Variants in SORBS3 observed in about 807,000 individuals in gnomAD.
The protein encoded by SORBS3 is sorbin and SH3 domain containing 3, also known as vinexin.
SORBS3 carries 69 observed loss-of-function variants against 98.0 expected under a neutral mutation model. The ratio of observed to expected loss-of-function variants is 0.70; its 90% CI spans 0.58 to 0.86. The LOEUF (loss-of-function observed/expected upper bound fraction) is 0.86, where lower values mean the gene tolerates loss of function less well. SORBS3 is among the 40% of genes least tolerant of loss of function. SORBS3 has a pLI of 0.00. For synonymous variants in SORBS3, 394 were observed against 355.4 expected, an observed-to-expected ratio of 1.11 and a Z score of -1.22; for missense variants, 954 against 908.5, an observed-to-expected ratio of 1.05 and a Z score of -0.64.
chr8:22,552,351 G>A (rs1347575161), intron 1 of SORBS3, among the ~76,000 whole-genome samples: 1 of 152,216 alleles, frequency 6.6e-6, no homozygotes, highest in Non-Finnish European at 1.5e-5. Context: ...CCCGGGGCTG[G>A]CTGCCTGCCT....
Position 22,563,967 on chromosome 8 carries a change from A to G in SORBS3, c.585-20A>G, listed in dbSNP as rs893814805. On this transcript the variant is annotated intron_variant, in intron 7 of 20. Transcript: ENST00000240123. ...GTCTCCCTAAAAGGAAGCTGAAGAG[A>G]TGTCCTTCCCTTTCTTTAGAAGAAG... 44 of 1,589,574 alleles carry G rather than the reference A, an allele frequency of 2.8e-5. No individual in the cohort carries two copies. In the East Asian group the frequency reaches 9.2e-4, roughly 33 times the overall value.
upstream of SORBS3, chr8:22,551,681 G>T: frequency 4.2e-6 from 4 of 962,406 alleles, no homozygotes; most frequent in Non-Finnish European, 4.9e-6. The surrounding 1 kb of genome is among the most constrained non-coding windows in gnomAD (Gnocchi z 5.8). Flanking sequence ...TCGGCAGGGG[G>T]CCACCAGTGT....
At chr8:22,564,981 G>A (rs1840374574) in intron 10 of SORBS3, 2 of 1,361,344 alleles carry the variant, frequency 1.5e-6, no homozygotes, top group Non-Finnish European at 1.9e-6. Context: ...CCCCATTGGT[G>A]CTGTAACAGA....
chr8:22,566,411 TC>T lies in SORBS3; in HGVS notation c.1021del (p.His341ThrfsTer11). ...PYLGSARSLS[P>X]HKMADGGSPF... is the part of the protein sequence containing the mutation. ...ACCTGGGTTCCGCCCGGTCCCTGAG[TC>T]CCCACAAAATGGCTGATGGAGGAAG... On this transcript the variant is annotated frameshift_variant, in exon 13 of 21. Transcript: ENST00000240123. LOFTEE classifies it high-confidence loss of function. 1 of 1,613,934 alleles carries T rather than the reference TC, an allele frequency of 6.2e-7. No individual in the cohort carries two copies. Among genetic ancestry groups the T allele is most frequent in the Non-Finnish European group, 8.5e-7 (1 of 1,179,956 alleles).
chr8:22,565,089 G>A (rs1840376730), intron 10 of SORBS3, 179 bp from the exon 11 acceptor site: 13 of 1,434,418 alleles, frequency 9.1e-6, no homozygotes, highest in East Asian at 5.2e-5. Context: ...AGGCCGTGGC[G>A]GGGATGCCCT....
intron 5 of SORBS3, among the ~76,000 whole-genome samples, chr8:22,560,080 G>C (rs1161122553): frequency 1.3e-5 from 2 of 151,490 alleles, no homozygotes; most frequent in Non-Finnish European, 2.9e-5. Flanking sequence ...AAAGAAGAGA[G>C]AGATTTTGAT....
At chr8:22,565,218 C>T in intron 10 of SORBS3, 50 bp from the exon 11 acceptor site, 1 of 1,499,310 alleles carries the variant, frequency 6.7e-7, no homozygotes, top group Non-Finnish European at 9.1e-7. Flanking sequence ...CGCTGCCTCC[C>T]ACCCCCACGG....
chr8:22,567,318 G>A (rs1840452588), intron 16 of SORBS3, 143 bp downstream of exon 16: 1 of 636,300 alleles, frequency 1.6e-6, no homozygotes, highest in African/African-American at 1.8e-5. Flanking sequence ...GGCCCCCACA[G>A]GGCTTGGCCC....
chr8:22,565,778 G>T (rs536172538), intron 11 of SORBS3, 48 bp from the exon 12 acceptor site: 152 of 1,304,132 alleles, frequency 1.2e-4, no homozygotes, highest in Middle Eastern at 2.9e-4. Flanking sequence ...CTCGGCTGCC[G>T]CTGGGTCCCG....
chr8:22,546,812 C>G (rs1840020767), intron 1 of SORBS3, among the ~76,000 whole-genome samples: 1 of 152,060 alleles, frequency 6.6e-6, no homozygotes, highest in Admixed American at 6.5e-5. Context: ...CTTTTCATGC[C>G]TCTGAAAAGT....
chr8:22,572,305 C>T (rs576255853), intron 19 of SORBS3, 35 bp from the exon 20 acceptor site: 2 of 1,566,198 alleles, frequency 1.3e-6, no homozygotes, highest in Admixed American at 1.7e-5. Flanking sequence ...AGCCTCTGGG[C>T]CCATTCTCTG....
intron 10 of SORBS3, 92 bp downstream of exon 10, chr8:22,564,613 A>G (rs992646374): frequency 3.3e-6 from 5 of 1,532,470 alleles, no homozygotes; most frequent in Non-Finnish European, 4.5e-6. Context: ...TAGGCCACGA[A>G]CTAAGAGCTC....
At position 22,565,355 on chromosome 8, in the gene SORBS3, G is replaced by A. The variant is rs1359598618; in HGVS notation, c.903+1G>A. 1 of 1,549,446 alleles carries A rather than the reference G, an allele frequency of 6.5e-7. No individual in the cohort carries two copies. Among genetic ancestry groups the A allele is most frequent in the African/African-American group, 1.4e-5 (1 of 72,830 alleles). ...TGAGACCCGACTGCCGTCCCCCAAG[G>A]TACCAGCCCCCAGGGTTCACCCGCG... On this transcript the variant is annotated splice_donor_variant, in intron 11 of 20. Transcript: ENST00000240123. LOFTEE classifies it high-confidence loss of function.
In SORBS3 at chr8:22,558,212, C is replaced by T; in HGVS notation, c.478+20C>T. The T allele has an allele frequency of 6.2e-7, 1 of 1,612,196 alleles. No individual in the cohort carries two copies. The highest frequency in any genetic ancestry group is 8.5e-7 in the Non-Finnish European group (1 of 1,178,194). ...TGCCAGGTAAGATACCCTTCCAGGG[C>T]CCTCTCCCTGCCAAAGTGGATTCTG... On this transcript the variant is annotated intron_variant, in intron 5 of 20. Coordinates refer to ENST00000240123, the MANE Select transcript of SORBS3 (RefSeq NM_005775.5).
chr8:22,570,245 G>A (rs572511202), intron 17 of SORBS3, among the ~76,000 whole-genome samples: 1 of 152,332 alleles, frequency 6.6e-6, no homozygotes, highest in South Asian at 2.1e-4. Flanking sequence ...GGAGACAGAT[G>A]GGGGCAGGAG....
chr8:22,564,574 G>T, intron 10 of SORBS3, 53 bp downstream of exon 10: 1 of 1,606,556 alleles, frequency 6.2e-7, no homozygotes, highest in Non-Finnish European at 8.5e-7. Flanking sequence ...GGGAGATTAG[G>T]GTTTTGGTGG....
intron 19 of SORBS3, 27 bp downstream of exon 19, chr8:22,571,848 C>T: frequency 6.7e-7 from 1 of 1,501,492 alleles, no homozygotes. Flanking sequence ...GGCTCTTGAT[C>T]AGACGTGGGG....
chr8:22,567,754 G>A (rs557809712), intron 16 of SORBS3, among the ~76,000 whole-genome samples: 4 of 152,116 alleles, frequency 2.6e-5, no homozygotes, highest in African/African-American at 9.6e-5. Flanking sequence ...TTTAAAATAT[G>A]TCAAGTTATC....
upstream of SORBS3, among the ~76,000 whole-genome samples, chr8:22,547,065 G>A (rs1840023428): frequency 6.6e-6 from 1 of 152,134 alleles, no homozygotes; most frequent in African/African-American, 2.4e-5. Context: ...GCCAGAAAAC[G>A]GGCCCAGGTT....
Sources: allele counts gnomAD v4.1 joint callset (sites outside exome capture counted in the v4.1 genomes callset), GRCh38; gene constraint gnomAD v4.1.1; non-coding constraint Gnocchi (gnomAD v3.1); transcripts MANE v1.5; gene names NCBI Gene and HGNC (gene_info 2026-07-23, HGNC 2026-07-21).